The following NKAIN3 variants were observed in gnomAD, a reference collection of about 807,000 sequenced individuals.
The protein encoded by NKAIN3 is sodium/potassium transporting ATPase interacting 3.
A neutral mutation model predicts 30.2 loss-of-function variants in NKAIN3; 25 were observed. That is an observed-to-expected ratio of 0.83 (90% confidence interval 0.60 to 1.16). The LOEUF is 1.16. Among genes scored for constraint, NKAIN3 ranks in the 50% most tolerant of loss-of-function variants. The probability of loss-of-function intolerance (pLI) is 0.00; values close to 1 mark genes in which losing one functional copy is unlikely to be tolerated. For missense variants in NKAIN3, 225 were observed against 254.1 expected (o/e 0.89, Z 0.78); for synonymous variants, 91 against 89.6 (o/e 1.02, Z -0.09).
chr8:62,813,243 T>TTATA (rs1321592023), intron 4 of NKAIN3, among the ~76,000 whole-genome samples: 3 of 151,998 alleles, frequency 2.0e-5, no homozygotes, highest in Admixed American at 6.6e-5. Flanking sequence ...ACTTTGGTTA[T>TTATA]TATAGCTTTG....
intron 3 of NKAIN3, among the ~76,000 whole-genome samples, chr8:62,684,159 T>C (rs573503299): frequency 1.3e-5 from 2 of 152,244 alleles, no homozygotes; most frequent in South Asian, 4.1e-4. Context: ...CCCAAGAATA[T>C]TCAAGTTGAA....
chr8:62,895,114 G>T (rs1047035203), intron 4 of NKAIN3, among the ~76,000 whole-genome samples: 8 of 152,178 alleles, frequency 5.3e-5, no homozygotes, highest in Non-Finnish European at 8.8e-5. Context: ...AGGAAGAAGG[G>T]ATATTGAATA....
At chr8:62,394,296 T>C (rs1051685074) in intron 1 of NKAIN3, among the ~76,000 whole-genome samples, 1 of 152,210 alleles carries the variant, frequency 6.6e-6, no homozygotes, top group Admixed American at 6.5e-5. Context: ...TGTTTTTTCT[T>C]CCTCTACTAA....
intron 3 of NKAIN3, among the ~76,000 whole-genome samples, chr8:62,698,473 G>A (rs556257552): frequency 6.6e-6 from 1 of 152,248 alleles, no homozygotes; most frequent in East Asian, 1.9e-4. Flanking sequence ...GCAACACAAA[G>A]GAGAGCACAC....
chr8:62,325,920 C>T (rs769517027), intron 1 of NKAIN3, among the ~76,000 whole-genome samples: 1 of 151,610 alleles, frequency 6.6e-6, no homozygotes, highest in Non-Finnish European at 1.5e-5. Flanking sequence ...TTGTGGGATG[C>T]GTGGTTTGCA....
chr8:62,722,113 G>A (rs553164924), intron 3 of NKAIN3, among the ~76,000 whole-genome samples: 35 of 152,288 alleles, frequency 2.3e-4, no homozygotes, highest in African/African-American at 7.0e-4. Flanking sequence ...TCAGTAAGGA[G>A]AACAACCAGA....
At chr8:62,430,993 T>C (rs1228213530) in intron 1 of NKAIN3, among the ~76,000 whole-genome samples, 1 of 151,964 alleles carries the variant, frequency 6.6e-6, no homozygotes, top group African/African-American at 2.4e-5. Flanking sequence ...GAATCTAGTT[T>C]ACCAAGAAAT....
At chr8:62,723,170 T>C (rs1035676637) in intron 3 of NKAIN3, among the ~76,000 whole-genome samples, 11 of 152,146 alleles carry the variant, frequency 7.2e-5, no homozygotes, top group African/African-American at 2.7e-4. Context: ...ATGGAATAAC[T>C]AAAATAATTA....
intron 1 of NKAIN3, among the ~76,000 whole-genome samples, chr8:62,514,258 T>C (rs952457697): frequency 1.3e-5 from 2 of 152,184 alleles, no homozygotes; most frequent in African/African-American, 4.8e-5. Flanking sequence ...ATGTGAGCTA[T>C]AGATACTCGT....
intron 3 of NKAIN3, among the ~76,000 whole-genome samples, chr8:62,730,751 T>G (rs1013041747): frequency 2.0e-5 from 3 of 152,202 alleles, no homozygotes; most frequent in African/African-American, 7.2e-5. Context: ...CTCAGTTATC[T>G]TGATATACAA....
chr8:62,401,393 G>A (rs1184951179), intron 1 of NKAIN3, among the ~76,000 whole-genome samples: 2 of 151,932 alleles, frequency 1.3e-5, no homozygotes, highest in Admixed American at 6.6e-5. Context: ...TTTTCTGTCT[G>A]TAAGGTCACA....
intron 1 of NKAIN3, among the ~76,000 whole-genome samples, chr8:62,403,915 T>C (rs1225087841): frequency 6.6e-6 from 1 of 152,124 alleles, no homozygotes; most frequent in Admixed American, 6.5e-5. Context: ...TGCCAGCCCA[T>C]GAAAGCAGCT....
chr8:62,735,728 A>G (rs1225821250), intron 3 of NKAIN3, among the ~76,000 whole-genome samples: 1 of 152,076 alleles, frequency 6.6e-6, no homozygotes, highest in African/African-American at 2.4e-5. Flanking sequence ...TTGTTATATT[A>G]CCAGAATTCT....
intron 1 of NKAIN3, among the ~76,000 whole-genome samples, chr8:62,351,750 T>C (rs1242630505): frequency 6.6e-6 from 1 of 152,222 alleles, no homozygotes. Flanking sequence ...TTTTGTGGTT[T>C]ATCAAATGTC....
chr8:62,261,732 A>G (rs558387761), intron 1 of NKAIN3, among the ~76,000 whole-genome samples: 1 of 152,344 alleles, frequency 6.6e-6, no homozygotes, highest in South Asian at 2.1e-4. Context: ...TTGTGAGCAC[A>G]CCAAAACTTA....
chr8:62,812,911 A>G (rs1818538004), intron 4 of NKAIN3, among the ~76,000 whole-genome samples: 1 of 151,962 alleles, frequency 6.6e-6, no homozygotes, highest in South Asian at 2.1e-4. Flanking sequence ...GTTCATTAAA[A>G]TTATTGACAC....
intron 6 of NKAIN3, among the ~76,000 whole-genome samples, chr8:62,960,293 T>C (rs1475623473): frequency 6.6e-6 from 1 of 152,174 alleles, no homozygotes; most frequent in Admixed American, 6.5e-5. Flanking sequence ...GTGACTTCAC[T>C]CTCTGCCCCT....
chr8:62,675,594 G>T (rs994294567), intron 3 of NKAIN3, among the ~76,000 whole-genome samples: 1 of 152,120 alleles, frequency 6.6e-6, no homozygotes, highest in Non-Finnish European at 1.5e-5. Flanking sequence ...TTGAGGGCTG[G>T]GGACTCTAAG....
At chr8:62,898,289 A>G (rs1821498753) in intron 4 of NKAIN3, among the ~76,000 whole-genome samples, 1 of 152,208 alleles carries the variant, frequency 6.6e-6, no homozygotes, top group South Asian at 2.1e-4. Flanking sequence ...CATAATTCAC[A>G]ATTGCAAAGA....
Sources: gnomAD v4.1 joint callset for allele counts (sites outside exome capture counted in the v4.1 genomes callset) on GRCh38, gnomAD v4.1.1 for gene constraint, MANE v1.5 for transcripts, NCBI Gene and HGNC (gene_info 2026-07-23, HGNC 2026-07-21) for gene names.